The following FDX1 variants were observed in gnomAD, a reference collection of about 807,000 sequenced individuals.
The protein encoded by FDX1 is ferredoxin 1, also known as adrenodoxin, mitochondrial.
A neutral mutation model predicts 14.9 loss-of-function variants in FDX1; 9 were observed. That is an observed-to-expected ratio of 0.60 (90% CI 0.36 to 1.05). The LOEUF is 1.05. Among genes scored for constraint, FDX1 ranks in the 50% least tolerant of loss-of-function variants. The pLI, the probability that FDX1 is intolerant of heterozygous loss-of-function variation, is 0.01. For synonymous variants in FDX1, 92 were observed against 99.4 expected (o/e 0.93, Z 0.44); for missense variants, 204 against 237.2 (o/e 0.86, Z 0.92).
intron 2 of FDX1, among the ~76,000 whole-genome samples, chr11:110,441,206 G>A (rs964846673): frequency 1.3e-5 from 2 of 152,126 alleles, no homozygotes; most frequent in Non-Finnish European, 2.9e-5. Context: ...ACCCAGTTTC[G>A]GATATGTCTT....
chr11:110,435,106 T>C (rs980537505), intron 1 of FDX1, among the ~76,000 whole-genome samples: 2 of 151,776 alleles, frequency 1.3e-5, no homozygotes, highest in African/African-American at 4.8e-5. Context: ...TGGAGTGCAG[T>C]GGTGCAATCA....
chr11:110,444,912 C>A (rs71466717), intron 2 of FDX1, among the ~76,000 whole-genome samples: 1 of 151,340 alleles, frequency 6.6e-6, no homozygotes, highest in Non-Finnish European at 1.5e-5. Flanking sequence ...CGCCCTGAAT[C>A]GTTTCCTGGG....
intron 2 of FDX1, among the ~76,000 whole-genome samples, chr11:110,445,518 G>A (rs1946444888): frequency 1.3e-5 from 2 of 152,082 alleles, no homozygotes. Flanking sequence ...ATCATCTTTT[G>A]CAAGGGTATT....
chr11:110,444,718 A>ACACG (rs1946435408), intron 2 of FDX1, among the ~76,000 whole-genome samples: 1 of 65,794 alleles, frequency 1.5e-5, no homozygotes, highest in African/African-American at 7.1e-5. Context: ...ATATATATAT[A>ACACG]TATACGTATA....
intron 2 of FDX1, among the ~76,000 whole-genome samples, chr11:110,441,993 C>T (rs1322944335): frequency 6.6e-6 from 1 of 152,142 alleles, no homozygotes; most frequent in Non-Finnish European, 1.5e-5. Context: ...CTGAAAGGGG[C>T]CAATGTAGAG....
At chr11:110,454,774 G>T (rs76740453) in intron 2 of FDX1, among the ~76,000 whole-genome samples, 32 of 152,090 alleles carry the variant, frequency 2.1e-4, no homozygotes, top group Admixed American at 2.0e-3. Flanking sequence ...ACTATGTGAG[G>T]TTAGTATAGT....
intron 2 of FDX1, among the ~76,000 whole-genome samples, chr11:110,439,575 T>C (rs1372167227): frequency 6.6e-6 from 1 of 152,238 alleles, no homozygotes; most frequent in African/African-American, 2.4e-5. Flanking sequence ...CTATAGATTC[T>C]GGATATTAGA....
chr11:110,435,326 C>T (rs576095685), intron 1 of FDX1, among the ~76,000 whole-genome samples: 6 of 152,342 alleles, frequency 3.9e-5, no homozygotes, highest in Middle Eastern at 6.8e-3. Flanking sequence ...ACTGGGGTTA[C>T]AGGTGCAAGC....
chr11:110,441,150 C>T (rs1283943568), intron 2 of FDX1, among the ~76,000 whole-genome samples: 1 of 152,210 alleles, frequency 6.6e-6, no homozygotes, highest in Admixed American at 6.5e-5. Flanking sequence ...GCTTCCTCAG[C>T]CACATGGAAC....
At chr11:110,462,278 C>A in intron 3 of FDX1, 76 bp from the exon 4 acceptor site, 1 of 731,740 alleles carries the variant, frequency 1.4e-6, no homozygotes, top group Non-Finnish European at 2.2e-6. Flanking sequence ...AATATAAAGA[C>A]TATCTTAAAC....
At chr11:110,441,863 TC>T (rs1370313122) in intron 2 of FDX1, among the ~76,000 whole-genome samples, 1 of 152,186 alleles carries the variant, frequency 6.6e-6, no homozygotes, top group Admixed American at 6.5e-5. Context: ...TGGCAGCCCC[TC>T]CCATCACAGG....
At chr11:110,448,450 A>G (rs371399446) in intron 2 of FDX1, among the ~76,000 whole-genome samples, 9 of 152,192 alleles carry the variant, frequency 5.9e-5, no homozygotes, top group African/African-American at 2.2e-4. Flanking sequence ...AGGCAATTGT[A>G]TTGTCAGCAT....
chr11:110,442,259 C>T (rs1348854006), intron 2 of FDX1, among the ~76,000 whole-genome samples: 3 of 152,174 alleles, frequency 2.0e-5, no homozygotes, highest in East Asian at 1.9e-4. Flanking sequence ...ATTGGGGCAC[C>T]GCCTAGTGGA....
chr11:110,454,800 T>C (rs1348499153), intron 2 of FDX1, among the ~76,000 whole-genome samples: 1 of 152,122 alleles, frequency 6.6e-6, no homozygotes, highest in Non-Finnish European at 1.5e-5. Context: ...TTGAGGAAAC[T>C]GAGACATGGA....
Position 110,451,644 on chromosome 11 carries a change from C to T in FDX1, c.311-5274C>T, listed in dbSNP as rs571525819. On this transcript the variant is annotated intron_variant, in intron 2 of 3. Coordinates refer to ENST00000260270, the MANE Select transcript of FDX1 (RefSeq NM_004109.5). ...ATAAAAATACGTGCATGTATATGTTCATTGTAGCACTATTCACAATAGCAA... is the reference window on the plus strand; with the variant it reads ...ATAAAAATACGTGCATGTATATGTTTATTGTAGCACTATTCACAATAGCAA... Among the ~76,000 whole-genome samples, 5 of 152,272 alleles carry T rather than the reference C, an allele frequency of 3.3e-5. No homozygotes were observed. The East Asian group carries it at 9.6e-4, about 29-fold the overall frequency.
intron 2 of FDX1, among the ~76,000 whole-genome samples, chr11:110,449,082 T>C (rs1016367830): frequency 6.6e-6 from 1 of 152,208 alleles, no homozygotes; most frequent in Non-Finnish European, 1.5e-5. Flanking sequence ...TAAGTGCTAA[T>C]ACTGAAAAAT....
chr11:110,431,776 A>G (rs78604263), intron 1 of FDX1, among the ~76,000 whole-genome samples: 3,471 of 152,226 alleles, frequency 0.023, 124 homozygotes, highest in African/African-American at 0.075. Flanking sequence ...AGGTTGTTTT[A>G]AAGGGGAGCA....
chr11:110,435,217 ATTATT>A (rs1946360786), intron 1 of FDX1, among the ~76,000 whole-genome samples: 1 of 150,814 alleles, frequency 6.6e-6, no homozygotes, highest in South Asian at 2.1e-4. Context: ...CACCTGGCTA[ATTATT>A]TTATTTTTTG....
At chr11:110,437,311 G>GT (rs1289329347) in intron 2 of FDX1, among the ~76,000 whole-genome samples, 1 of 152,054 alleles carries the variant, frequency 6.6e-6, no homozygotes. Flanking sequence ...CTGAATCTAA[G>GT]TATTTTTTGC....
Sources: allele counts gnomAD v4.1 joint callset (sites outside exome capture counted in the v4.1 genomes callset), GRCh38; gene constraint gnomAD v4.1.1; transcripts MANE v1.5; gene names NCBI Gene and HGNC (gene_info 2026-07-23, HGNC 2026-07-21).